Variants in PPP2R3A observed in about 807,000 individuals in gnomAD.
The protein encoded by PPP2R3A is serine/threonine-protein phosphatase 2A regulatory subunit B'' subunit alpha.
A neutral mutation model predicts 106.9 loss-of-function variants in PPP2R3A; 80 were observed. The observed-to-expected ratio is 0.75, with a 90% confidence interval of 0.62 to 0.90. The LOEUF is 0.90. Among genes scored for constraint, PPP2R3A ranks in the 40% least tolerant of loss-of-function variants. PPP2R3A has a pLI of 0.00. For synonymous variants in PPP2R3A, 483 were observed against 468.3 expected, an observed-to-expected ratio of 1.03 and a Z score of -0.41; for missense variants, 1,386 against 1,350.4, an observed-to-expected ratio of 1.03 and a Z score of -0.41.
intron 11 of PPP2R3A, 145 bp downstream of exon 11, chr3:136,102,327 C>A: frequency 7.2e-5 from 40 of 553,782 alleles, no homozygotes; most frequent in Non-Finnish European, 1.0e-4. Flanking sequence ...TTCTCCTTGA[C>A]TATTAGTGTA....
At chr3:136,081,876 C>T (rs1936791590) in intron 7 of PPP2R3A, among the ~76,000 whole-genome samples, 1 of 152,166 alleles carries the variant, frequency 6.6e-6, no homozygotes, top group Non-Finnish European at 1.5e-5. Flanking sequence ...TTGATGCCTA[C>T]CCCTCTTAAT....
intron 5 of PPP2R3A, among the ~76,000 whole-genome samples, chr3:136,066,897 G>A (rs1936276819): frequency 6.6e-6 from 1 of 152,076 alleles, no homozygotes; most frequent in African/African-American, 2.4e-5. Flanking sequence ...AATGTCGTAT[G>A]TTATATCTAA....
chr3:136,116,902 C>T (rs1559929652), intron 13 of PPP2R3A, among the ~76,000 whole-genome samples: 2 of 152,342 alleles, frequency 1.3e-5, no homozygotes, highest in South Asian at 2.1e-4. Context: ...GCAACATCTA[C>T]GGAACTCTCC....
At chr3:136,041,643 G>A in intron 4 of PPP2R3A, among the ~76,000 whole-genome samples, 1 of 145,618 alleles carries the variant, frequency 6.9e-6, no homozygotes, top group East Asian at 1.9e-4. Context: ...AATCAGATGT[G>A]TCACATGGGA....
intron 1 of PPP2R3A, among the ~76,000 whole-genome samples, chr3:135,998,521 T>C (rs1559859100): frequency 6.6e-6 from 1 of 152,300 alleles, no homozygotes; most frequent in East Asian, 1.9e-4. Context: ...CAAGAAAACA[T>C]GGAGAAACAG....
Position 136,002,000 on chromosome 3 carries a change from G to A in PPP2R3A, c.502G>A (p.Asp168Asn), listed in dbSNP as rs1333096177. 9 of 1,614,028 alleles carry A rather than the reference G, an allele frequency of 5.6e-6. No individual in the cohort carries two copies. Among genetic ancestry groups the A allele is most frequent in the Non-Finnish European group, 5.9e-6 (7 of 1,180,022 alleles). Residue 168 changes from aspartate to asparagine, a missense_variant, in exon 2 of 14, where the codon GAT (aspartate) becomes AAT (asparagine). By Grantham distance (23) the Asp-to-Asn change is conservative (BLOSUM62 1). Transcript: ENST00000264977. ...LDLLCGHYNN[D>N]GNAPSFGLLR... is the part of the protein sequence containing the mutation. ...CTTGCTTTGTGGCCATTATAACAACGATGGGAACGCCCCATCCTTTGGTTT... is the reference window on the plus strand; with the variant it reads ...CTTGCTTTGTGGCCATTATAACAACAATGGGAACGCCCCATCCTTTGGTTT...
chr3:136,088,046 C>T lies in PPP2R3A; in HGVS notation c.2837+115C>T, dbSNP rs1040908879. 12 of 774,152 alleles carry T rather than the reference C, an allele frequency of 1.6e-5. No homozygotes were observed. The African/African-American group carries it at 1.9e-4, about 12-fold the overall frequency. 48.0% of individuals were successfully genotyped at this position (774,152 alleles called of 1,614,324 possible). A position where few individuals can be genotyped will look rare whatever the true frequency, so the allele number is the denominator to read the frequency against. On this transcript the variant is annotated intron_variant, in intron 9 of 13. Coordinates refer to ENST00000264977, the MANE Select transcript of PPP2R3A (RefSeq NM_002718.5). ...CAGTGCTATTGGACCAAATAATATC[C>T]TATAAAACATAGTTATGGCTTAATA...
At chr3:136,014,305 T>C (rs1934197929) in intron 2 of PPP2R3A, among the ~76,000 whole-genome samples, 2 of 152,154 alleles carry the variant, frequency 1.3e-5, no homozygotes, top group Admixed American at 1.3e-4. Context: ...TGTGGGCTCT[T>C]TTTTGGTTCC....
chr3:135,971,294 G>A (rs904524400), intron 1 of PPP2R3A, among the ~76,000 whole-genome samples: 1 of 152,148 alleles, frequency 6.6e-6, no homozygotes, highest in African/African-American at 2.4e-5. Context: ...TGAGCAAACT[G>A]GTTTCCAAAA....
intron 5 of PPP2R3A, among the ~76,000 whole-genome samples, chr3:136,069,299 A>G (rs112629029): frequency 0.023 from 3,550 of 152,246 alleles, 155 homozygotes; most frequent in African/African-American, 0.079. Context: ...AAAGTTAGCC[A>G]GGCATGGTGG....
intron 1 of PPP2R3A, among the ~76,000 whole-genome samples, chr3:135,974,214 A>C (rs932239643): frequency 5.6e-4 from 86 of 152,296 alleles, no homozygotes; most frequent in Non-Finnish European, 4.9e-4. Flanking sequence ...AAGTTGGAGC[A>C]TTACATGGCT....
At chr3:136,054,158 A>G (rs1338760720) in intron 5 of PPP2R3A, among the ~76,000 whole-genome samples, 3 of 152,052 alleles carry the variant, frequency 2.0e-5, no homozygotes, top group Non-Finnish European at 4.4e-5. Flanking sequence ...TATTTTAAAA[A>G]TGTGAATTAT....
chr3:136,130,265 C>T (rs914561469), intron 13 of PPP2R3A, among the ~76,000 whole-genome samples: 1 of 152,168 alleles, frequency 6.6e-6, no homozygotes, highest in Non-Finnish European at 1.5e-5. Flanking sequence ...ATTGAGAAAA[C>T]CCCATCGTCT....
At chr3:136,061,851 TG>T (rs1936085612) in intron 5 of PPP2R3A, among the ~76,000 whole-genome samples, 1 of 139,386 alleles carries the variant, frequency 7.2e-6, no homozygotes, top group African/African-American at 2.7e-5. Flanking sequence ...ACCCGGGACC[TG>T]GGAGGTGGAG....
At chr3:136,103,214 A>C in intron 11 of PPP2R3A, 44 bp from the exon 12 acceptor site, 1 of 1,372,954 alleles carries the variant, frequency 7.3e-7, no homozygotes, top group Non-Finnish European at 1.0e-6. Context: ...TCTTGCCAAA[A>C]CAGCTCTTGA....
intron 7 of PPP2R3A, among the ~76,000 whole-genome samples, chr3:136,079,635 C>T (rs1398548367): frequency 6.6e-6 from 1 of 151,942 alleles, no homozygotes; most frequent in African/African-American, 2.4e-5. Context: ...TCTCCAACTC[C>T]TGACCTCATG....
intron 5 of PPP2R3A, among the ~76,000 whole-genome samples, chr3:136,053,305 C>T (rs1383991658): frequency 6.6e-6 from 1 of 151,886 alleles, no homozygotes; most frequent in Admixed American, 6.6e-5. Context: ...AAAAAAGATT[C>T]TGTGATCTTA....
At chr3:136,084,753 G>A (rs1028837188) in intron 8 of PPP2R3A, among the ~76,000 whole-genome samples, 1 of 152,234 alleles carries the variant, frequency 6.6e-6, no homozygotes, top group Non-Finnish European at 1.5e-5. Context: ...GTGTGCCATG[G>A]ATATGAGACA....
intron 7 of PPP2R3A, among the ~76,000 whole-genome samples, chr3:136,080,094 T>C (rs191665437): frequency 5.5e-4 from 84 of 152,348 alleles, no homozygotes; most frequent in Admixed American, 2.0e-3. Flanking sequence ...TTTTGTTTTG[T>C]ATGGCTGCTA....
Sources: allele counts gnomAD v4.1 joint callset (sites outside exome capture counted in the v4.1 genomes callset), GRCh38; gene constraint gnomAD v4.1.1; transcripts MANE v1.5; gene names NCBI Gene and HGNC (gene_info 2026-07-23, HGNC 2026-07-21).